Variants in SDCCAG8 observed in about 807,000 individuals in gnomAD.
SDCCAG8 encodes serologically defined colon cancer antigen 8.
In SDCCAG8, 74 loss-of-function variants were observed where a neutral mutation model predicts 101.8. The observed-to-expected ratio is 0.73, with a 90% CI of 0.60 to 0.88. The LOEUF (loss-of-function observed/expected upper bound fraction) is 0.88, where lower values mean the gene tolerates loss of function less well. Ranked by LOEUF, SDCCAG8 falls within the 40% of genes least tolerant of loss-of-function variation. The pLI, the probability that SDCCAG8 is intolerant of heterozygous loss-of-function variation, is 0.00. For synonymous variants in SDCCAG8, 281 were observed against 292.9 expected (o/e 0.96, Z 0.41); for missense variants, 787 against 822.6 (o/e 0.96, Z 0.53).
intron 9 of SDCCAG8, among the ~76,000 whole-genome samples, chr1:243,329,557 A>G (rs1359936106): frequency 6.6e-6 from 1 of 152,184 alleles, no homozygotes; most frequent in Non-Finnish European, 1.5e-5. Flanking sequence ...GGTTCTTTCT[A>G]CCATTTCAGG....
intron 8 of SDCCAG8, among the ~76,000 whole-genome samples, chr1:243,308,692 T>C (rs1459104691): frequency 6.6e-6 from 1 of 152,208 alleles, no homozygotes; most frequent in African/African-American, 2.4e-5. Flanking sequence ...TGAGAACAAG[T>C]TACAGATGAC....
Position 243,366,458 on chromosome 1 carries a change from T to C in SDCCAG8, c.1474-12263T>C, listed in dbSNP as rs185399591. 2.2e-4 allele frequency among the ~76,000 whole-genome samples: 33 copies of C among 152,102 alleles called. No homozygotes were observed. In the South Asian group the frequency reaches 5.2e-3, roughly 24 times the overall value. On this transcript the variant is annotated intron_variant, in intron 12 of 17. Coordinates refer to ENST00000366541, the MANE Select transcript of SDCCAG8 (RefSeq NM_006642.5). The stretch of plus-strand genomic sequence containing the variant: ...ATATAATTTCAATGCAATTACTCTA[T>C]TGAGTAATTAATAACTTTAATGTTT...
At chr1:243,469,313 C>T (rs1660760375) in intron 16 of SDCCAG8, among the ~76,000 whole-genome samples, 2 of 152,162 alleles carry the variant, frequency 1.3e-5, no homozygotes, top group South Asian at 2.1e-4. Flanking sequence ...AATACATCCT[C>T]ACTCACAAAC....
chr1:243,436,212 G>A (rs2148073197), intron 16 of SDCCAG8, among the ~76,000 whole-genome samples: 1 of 149,610 alleles, frequency 6.7e-6, no homozygotes, highest in Non-Finnish European at 1.5e-5. Context: ...TTTGTGAAGA[G>A]CAAAAGAACA....
At chr1:243,496,217 ACTT>A (rs1299786981) in intron 17 of SDCCAG8, among the ~76,000 whole-genome samples, 2 of 152,240 alleles carry the variant, frequency 1.3e-5, no homozygotes, top group East Asian at 1.9e-4. Flanking sequence ...AGGGAAATGA[ACTT>A]CTTCTCAGGC....
intron 13 of SDCCAG8, among the ~76,000 whole-genome samples, chr1:243,384,950 A>G (rs1323403959): frequency 6.6e-6 from 1 of 152,222 alleles, no homozygotes; most frequent in Non-Finnish European, 1.5e-5. Context: ...GGTACATTTA[A>G]AAATGTTCAT....
chr1:243,478,956 C>CAAAAAA (rs148382740), intron 16 of SDCCAG8, among the ~76,000 whole-genome samples: 2,948 of 94,572 alleles, frequency 0.031, 186 homozygotes, highest in African/African-American at 0.11. Flanking sequence ...GACTCTGTCT[C>CAAAAAA]AAAAAAAAAA....
At chr1:243,308,201 G>C (rs1573162006) in intron 8 of SDCCAG8, 24 bp downstream of exon 8, 1 of 1,613,286 alleles carries the variant, frequency 6.2e-7, no homozygotes. Flanking sequence ...TACGCGCACG[G>C]AGACTTTGGC....
chr1:243,267,841 A>ACAGC (rs2149259554), intron 1 of SDCCAG8: 1 of 1,052,430 alleles, frequency 9.5e-7, no homozygotes, highest in Admixed American at 1.7e-5. Context: ...TGACATGCAG[A>ACAGC]CAGCCCATCA....
At chr1:243,349,486 C>G (rs545689287) in intron 12 of SDCCAG8, among the ~76,000 whole-genome samples, 78 of 152,334 alleles carry the variant, frequency 5.1e-4, no homozygotes, top group African/African-American at 1.7e-3. Flanking sequence ...TTGCCAATCC[C>G]TACCTTGAGT....
chr1:243,267,730 T>C (rs2067742658), intron 1 of SDCCAG8: 1 of 799,708 alleles, frequency 1.3e-6, no homozygotes. Context: ...ATGGTAATTG[T>C]TCAAATCTTG....
At chr1:243,309,791 G>A (rs1435150519) in intron 8 of SDCCAG8, among the ~76,000 whole-genome samples, 1 of 152,160 alleles carries the variant, frequency 6.6e-6, no homozygotes, top group Admixed American at 6.5e-5. Context: ...CACCACACCT[G>A]ACCTAACCTA....
chr1:243,400,116 G>T (rs1172557958), intron 13 of SDCCAG8, among the ~76,000 whole-genome samples: 1 of 152,176 alleles, frequency 6.6e-6, no homozygotes, highest in South Asian at 2.1e-4. Context: ...TCTGTCACCA[G>T]TTCCTTTTGG....
chr1:243,416,358 C>T lies in SDCCAG8; in HGVS notation c.1744+529C>T, dbSNP rs1254404504. Reference sequence around the variant, plus strand: ...CATTAATCGGTTCTTAATTCACTGTCGCAGCTGGATGTAATTCAGTGGCTC... The same window carrying T: ...CATTAATCGGTTCTTAATTCACTGTTGCAGCTGGATGTAATTCAGTGGCTC... On this transcript the variant is annotated intron_variant, in intron 14 of 17. Transcript: ENST00000366541. This position sits in a 1 kb window ranked among gnomAD's most constrained non-coding sequence, Gnocchi z 4.3. Among the ~76,000 whole-genome samples, 2 of 152,182 alleles carry T rather than the reference C, an allele frequency of 1.3e-5. No homozygotes were observed. The highest frequency in any genetic ancestry group is 1.9e-4 in the East Asian group (1 of 5,192).
At chr1:243,427,025 G>A (rs990593204) in intron 16 of SDCCAG8, among the ~76,000 whole-genome samples, 11 of 152,116 alleles carry the variant, frequency 7.2e-5, no homozygotes, top group African/African-American at 2.4e-5. Flanking sequence ...TCTTTCTGGT[G>A]GTGTTACTTT....
intron 4 of SDCCAG8, among the ~76,000 whole-genome samples, chr1:243,285,091 C>T (rs1225714475): frequency 6.6e-6 from 1 of 152,130 alleles, no homozygotes; most frequent in Admixed American, 6.5e-5. Context: ...CCGTATTGGC[C>T]AGGCTGGTCT....
At chr1:243,312,923 C>T (rs1269374756) in intron 8 of SDCCAG8, among the ~76,000 whole-genome samples, 1 of 152,168 alleles carries the variant, frequency 6.6e-6, no homozygotes, top group Non-Finnish European at 1.5e-5. Context: ...CACTTGGCCT[C>T]TTTATGCCAT....
At chr1:243,465,434 A>G (rs997994588) in intron 16 of SDCCAG8, among the ~76,000 whole-genome samples, 2 of 152,256 alleles carry the variant, frequency 1.3e-5, no homozygotes, top group African/African-American at 2.4e-5. Context: ...ATTTTGGAAG[A>G]GCATACATTA....
At chr1:243,438,467 A>G (rs2082299255) in intron 16 of SDCCAG8, among the ~76,000 whole-genome samples, 1 of 152,134 alleles carries the variant, frequency 6.6e-6, no homozygotes, top group African/African-American at 2.4e-5. Context: ...AAGAAAAAAT[A>G]TGATTTTGAA....
Sources: gnomAD v4.1 joint callset for allele counts (sites outside exome capture counted in the v4.1 genomes callset) on GRCh38, gnomAD v4.1.1 for gene constraint, Gnocchi (gnomAD v3.1) non-coding constraint, MANE v1.5 for transcripts, NCBI Gene and HGNC (gene_info 2026-07-23, HGNC 2026-07-21) for gene names.